RASEF: variants seen among roughly 807,000 people sequenced by gnomAD.
RASEF encodes the protein RAS and EF-hand domain containing.
In RASEF, 68 loss-of-function variants were observed where a neutral mutation model predicts 90.1. The ratio of observed to expected loss-of-function variants is 0.75; its 90% CI spans 0.62 to 0.92. The LOEUF is 0.92. Ranked by LOEUF, RASEF falls within the 40% of genes least tolerant of loss-of-function variation. RASEF has a pLI of 0.00. For synonymous variants in RASEF, 331 were observed against 345.2 expected (o/e 0.96, Z 0.46); for missense variants, 949 against 937.2 (o/e 1.01, Z -0.16).
the RASEF span, among the ~76,000 whole-genome samples, chr9:83,108,546 G>T: frequency 3.3e-5 from 5 of 152,170 alleles, no homozygotes; most frequent in Admixed American, 6.6e-5. Flanking sequence ...ATCTCTGAGA[G>T]AATCCAATGA....
intron 7 of RASEF, 39 bp downstream of exon 7, chr9:83,007,398 G>A (rs1442118495): frequency 3.4e-6 from 5 of 1,478,500 alleles, no homozygotes; most frequent in Admixed American, 1.7e-5. Context: ...AAAAACAAGT[G>A]AAATGTAAAT....
At chr9:83,188,537 G>T in the RASEF span, among the ~76,000 whole-genome samples, 91 of 152,256 alleles carry the variant, frequency 6.0e-4, no homozygotes, top group South Asian at 0.019. Context: ...GTGAGAAATC[G>T]GCATCTCTAT....
the RASEF span, among the ~76,000 whole-genome samples, chr9:83,190,877 T>C: frequency 2.0e-5 from 3 of 152,214 alleles, no homozygotes; most frequent in Non-Finnish European, 4.4e-5. Context: ...CCATGTCCCA[T>C]GCCCAGGAAA....
At chr9:83,092,888 A>G in the RASEF span, among the ~76,000 whole-genome samples, 2 of 152,122 alleles carry the variant, frequency 1.3e-5, no homozygotes, top group Admixed American at 6.5e-5. Context: ...CCAAGGCCCC[A>G]CCAGAGTAGC....
chr9:83,146,764 A>G, the RASEF span, among the ~76,000 whole-genome samples: 1 of 152,138 alleles, frequency 6.6e-6, no homozygotes, highest in Admixed American at 6.6e-5. Context: ...CAAATCCTTA[A>G]CTGAAGGCAC....
intron 9 of RASEF, among the ~76,000 whole-genome samples, chr9:83,002,850 C>G (rs1470742778): frequency 3.9e-5 from 6 of 152,074 alleles, no homozygotes; most frequent in African/African-American, 1.4e-4. Context: ...TGTAACAAAT[C>G]TGTGCATGTA....
the RASEF span, among the ~76,000 whole-genome samples, chr9:83,182,691 C>G: frequency 6.6e-6 from 1 of 151,852 alleles, no homozygotes; most frequent in South Asian, 2.1e-4. Flanking sequence ...GCAAAATGGT[C>G]AAACAGACTA....
the RASEF span, among the ~76,000 whole-genome samples, chr9:83,185,647 G>A: frequency 6.6e-6 from 1 of 152,092 alleles, no homozygotes; most frequent in Non-Finnish European, 1.5e-5. Flanking sequence ...AAAACACAAT[G>A]AGTCTCCCAA....
the RASEF span, among the ~76,000 whole-genome samples, chr9:83,172,090 A>G: frequency 6.6e-6 from 1 of 151,678 alleles, no homozygotes; most frequent in Admixed American, 6.6e-5. Flanking sequence ...GTCATCCTAT[A>G]GGTATGGTAT....
chr9:83,181,937 G>T, the RASEF span, among the ~76,000 whole-genome samples: 24 of 152,282 alleles, frequency 1.6e-4, no homozygotes, highest in African/African-American at 5.5e-4. Flanking sequence ...CTGCTTTTCT[G>T]CATTGATCCA....
the RASEF span, among the ~76,000 whole-genome samples, chr9:83,090,998 G>A: frequency 1.3e-5 from 2 of 152,100 alleles, no homozygotes; most frequent in African/African-American, 4.8e-5. Context: ...TGGACAGAAT[G>A]TGCCTAAAAT....
chr9:83,202,535 G>A, the RASEF span, among the ~76,000 whole-genome samples: 1 of 152,078 alleles, frequency 6.6e-6, no homozygotes, highest in African/African-American at 2.4e-5. Flanking sequence ...GAGTGCAATG[G>A]CTTGATCTCA....
upstream of RASEF, among the ~76,000 whole-genome samples, chr9:83,065,136 T>C (rs1040467291): frequency 6.6e-6 from 1 of 152,154 alleles, no homozygotes; most frequent in Non-Finnish European, 1.5e-5. Flanking sequence ...CATGCATTTT[T>C]CTTATTCTTA....
At chr9:83,014,991 A>G (rs1331072475) in intron 4 of RASEF, among the ~76,000 whole-genome samples, 1 of 152,236 alleles carries the variant, frequency 6.6e-6, no homozygotes, top group Non-Finnish European at 1.5e-5. Flanking sequence ...AAACAAACAA[A>G]CAAACAAACT....
intron 1 of RASEF, among the ~76,000 whole-genome samples, chr9:83,030,287 G>A (rs1458186849): frequency 6.6e-6 from 1 of 151,838 alleles, no homozygotes; most frequent in Non-Finnish European, 1.5e-5. Flanking sequence ...AACCCAGGAG[G>A]CAGAGATTGC....
chr9:83,015,444 G>T (rs1055409234), intron 4 of RASEF, among the ~76,000 whole-genome samples: 1 of 152,216 alleles, frequency 6.6e-6, no homozygotes, highest in Non-Finnish European at 1.5e-5. Flanking sequence ...ACTTTGGGAG[G>T]CTGAAGTGGG....
the RASEF span, among the ~76,000 whole-genome samples, chr9:83,089,901 G>C: frequency 4.6e-5 from 4 of 87,486 alleles, no homozygotes; most frequent in Non-Finnish European, 1.0e-4. Flanking sequence ...ATGATAGATA[G>C]ATAGATAGAT....
chr9:83,185,486 C>G, the RASEF span, among the ~76,000 whole-genome samples: 1 of 151,910 alleles, frequency 6.6e-6, no homozygotes, highest in African/African-American at 2.4e-5. Flanking sequence ...TAAAGAAGCA[C>G]AGTCAATTAT....
chr9:83,080,027 A>G, the RASEF span, among the ~76,000 whole-genome samples: 1 of 152,252 alleles, frequency 6.6e-6, no homozygotes, highest in Admixed American at 6.5e-5. Context: ...ATTAAGCAAT[A>G]TTTTTAATTT....
Sources: gnomAD v4.1 joint callset for allele counts (sites outside exome capture counted in the v4.1 genomes callset) on GRCh38, gnomAD v4.1.1 for gene constraint, MANE v1.5 for transcripts, NCBI Gene and HGNC (gene_info 2026-07-23, HGNC 2026-07-21) for gene names.